USP20: variants seen among roughly 807,000 people sequenced by gnomAD.
USP20 encodes the protein ubiquitin specific peptidase 20.
In USP20, 80 loss-of-function variants were observed where a neutral mutation model predicts 124.2. The observed-to-expected ratio is 0.64, with a 90% CI of 0.54 to 0.78. The LOEUF (loss-of-function observed/expected upper bound fraction) is 0.78. USP20 is among the 30% of genes least tolerant of loss of function. USP20 has a pLI of 0.00. For synonymous variants in USP20, 481 were observed against 512.3 expected (o/e 0.94, Z 0.83); for missense variants, 1,043 against 1,244.4 (o/e 0.84, Z 2.44).
intron 1 of USP20, among the ~76,000 whole-genome samples, chr9:129,843,971 G>A (rs1340630855): frequency 6.6e-6 from 1 of 151,928 alleles, no homozygotes; most frequent in Admixed American, 6.6e-5. Context: ...GGGGGCTGAG[G>A]TAGGAGGATC....
At chr9:129,846,245 A>AAT (rs2032547993) in intron 1 of USP20, among the ~76,000 whole-genome samples, 1 of 43,378 alleles carries the variant, frequency 2.3e-5, no homozygotes, top group Non-Finnish European at 4.1e-5. Context: ...ATATATATAT[A>AAT]TATTTTTTTT....
Position 129,861,020 on chromosome 9 carries a change from C to T in USP20, c.414C>T (p.Asp138=). 5.0e-6 allele frequency: 8 copies of T among 1,612,444 alleles called. No homozygotes were observed. The highest frequency in any genetic ancestry group is 2.2e-5 in the South Asian group (2 of 91,070). ...GAGAGTCTGAGTCAGAGGACGATGA[C>T]CTGAAACCTCGAGGTAATGGCCCCC... The part of the protein sequence containing the change: ...DEGESESEDD[D]LKPRGLTGMK... Residue 138 remains aspartate, a synonymous_variant, in exon 7 of 26, where the codon GAC becomes GAT. Transcript: ENST00000372429.
chr9:129,877,330 C>T (rs548407335), intron 22 of USP20, among the ~76,000 whole-genome samples: 17 of 151,992 alleles, frequency 1.1e-4, no homozygotes, highest in African/African-American at 3.9e-4. Flanking sequence ...ACCAACTTGG[C>T]CAACATGGCG....
intron 1 of USP20, among the ~76,000 whole-genome samples, chr9:129,838,262 A>G (rs11794154): frequency 0.19 from 28,512 of 151,898 alleles, 3,207 homozygotes; most frequent in South Asian, 0.26. Flanking sequence ...GGCTGGTCTC[A>G]AATTCCTAAC....
At chr9:129,847,516 T>C (rs144709166) in intron 1 of USP20, among the ~76,000 whole-genome samples, 6,307 of 152,064 alleles carry the variant, frequency 0.041, 452 homozygotes, top group African/African-American at 0.14. Context: ...TTGGCCAGGC[T>C]GGTCTCCAAC....
At chr9:129,876,330 T>C in intron 22 of USP20, 92 bp downstream of exon 22, 1 of 1,077,456 alleles carries the variant, frequency 9.3e-7, no homozygotes, top group Non-Finnish European at 1.4e-6. Flanking sequence ...GTGCAGTCCC[T>C]GAGCAAGTTT....
chr9:129,856,181 T>C lies in USP20; in HGVS notation c.82-126T>C. On this transcript the variant is annotated intron_variant, in intron 3 of 25. Coordinates refer to ENST00000372429, the MANE Select transcript of USP20 (RefSeq NM_001110303.4). The stretch of plus-strand genomic sequence containing the variant: ...GCGAAGGCCTTTCTGGGGCCAGGGC[T>C]TGAAGCTGAGACCTTCTGAGTGCAT... The C allele has an allele frequency of 4.3e-6, 4 of 923,304 alleles. 1 individual carries two copies. In the South Asian group the frequency reaches 5.5e-5, roughly 13 times the overall value. 57.2% of individuals were successfully genotyped at this position (923,304 alleles called of 1,614,324 possible). A position where few individuals can be genotyped will look rare whatever the true frequency, so the allele number is the denominator to read the frequency against.
At chr9:129,846,624 T>G (rs978955409) in intron 1 of USP20, among the ~76,000 whole-genome samples, 4 of 143,990 alleles carry the variant, frequency 2.8e-5, no homozygotes, top group African/African-American at 5.0e-5. Context: ...GTTACTGTCT[T>G]TTTTTTTTTT....
intron 9 of USP20, among the ~76,000 whole-genome samples, chr9:129,863,616 C>G (rs2033661925): frequency 6.6e-6 from 1 of 152,170 alleles, no homozygotes; most frequent in East Asian, 1.9e-4. Flanking sequence ...ACATGGTGAC[C>G]CGGCCTCAGC....
At chr9:129,846,070 G>A (rs1194551118) in intron 1 of USP20, among the ~76,000 whole-genome samples, 8 of 150,762 alleles carry the variant, frequency 5.3e-5, no homozygotes, top group Admixed American at 6.6e-5. Context: ...GACTACAGGC[G>A]TCCGCCACCA....
intron 14 of USP20, 27 bp downstream of exon 14, chr9:129,869,871 G>A (rs752741654): frequency 3.2e-5 from 48 of 1,519,998 alleles, no homozygotes; most frequent in Non-Finnish European, 4.0e-5. Context: ...ACTACTGGGC[G>A]ACATGGGCTG....
Position 129,880,486 on chromosome 9 carries a change from C to A in USP20, c.*36C>A. On this transcript the variant is annotated 3_prime_UTR_variant, in exon 26 of 26. Coordinates refer to ENST00000372429, the MANE Select transcript of USP20 (RefSeq NM_001110303.4). ...CCACAGCCCCATGTGCCCCACCCCG[C>A]GGAAGGCGTGTTTGTGCCCAGAAGA... 1.6e-6 allele frequency: 1 copy of A among 638,980 alleles called. No individual in the cohort carries two copies. The highest frequency in any genetic ancestry group is 2.6e-6 in the Non-Finnish European group (1 of 383,710). The allele number at this position is 638,980 out of a possible 1,614,324, so 39.6% of individuals were successfully genotyped here.
chr9:129,874,076 G>A (rs2034267519), intron 17 of USP20, among the ~76,000 whole-genome samples: 1 of 152,218 alleles, frequency 6.6e-6, no homozygotes. Flanking sequence ...GGCGGGAGGA[G>A]AGCTGGTCCA....
In USP20 at chr9:129,861,113, G is replaced by T; in HGVS notation, c.427+80G>T. ...GGAGGCTGGAAACCGCCAGAGTCTTGGTCTCTATTTGCACCTGCTATATGG... is the reference window on the plus strand; with the variant it reads ...GGAGGCTGGAAACCGCCAGAGTCTTTGTCTCTATTTGCACCTGCTATATGG... On this transcript the variant is annotated intron_variant, in intron 7 of 25. Coordinates refer to ENST00000372429, the MANE Select transcript of USP20 (RefSeq NM_001110303.4). 5 of 1,342,720 alleles carry T rather than the reference G, an allele frequency of 3.7e-6. No homozygotes were observed. The South Asian group carries it at 5.9e-5, about 16-fold the overall frequency. The allele number at this position is 1,342,720 out of a possible 1,614,324, so 83.2% of individuals were successfully genotyped here.
chr9:129,873,533 C>A lies in USP20; in HGVS notation c.1694+18C>A. ...TGTAAGAAGTAAGTGAGCCTTCCCCCGCCTTCTCCCTAACTGCCGTTTCTG... is the reference window on the plus strand; with the variant it reads ...TGTAAGAAGTAAGTGAGCCTTCCCCAGCCTTCTCCCTAACTGCCGTTTCTG... On this transcript the variant is annotated intron_variant, in intron 16 of 25. Coordinates refer to ENST00000372429, the MANE Select transcript of USP20 (RefSeq NM_001110303.4). 6.2e-7 allele frequency: 1 copy of A among 1,614,200 alleles called. No individual in the cohort carries two copies. Among genetic ancestry groups the A allele is most frequent in the Non-Finnish European group, 8.5e-7 (1 of 1,180,026 alleles).
chr9:129,850,826 G>A (rs375988815), intron 2 of USP20, among the ~76,000 whole-genome samples: 87 of 152,170 alleles, frequency 5.7e-4, no homozygotes, highest in African/African-American at 2.1e-3. Flanking sequence ...GGCTAATTTT[G>A]TATTTTTAGT....
intron 13 of USP20, 93 bp downstream of exon 13, chr9:129,869,518 G>A: frequency 1.3e-6 from 2 of 1,532,130 alleles, no homozygotes; most frequent in South Asian, 2.3e-5. Context: ...CTCTCCACGG[G>A]TGCTCCCTGC....
At chr9:129,840,064 A>G (rs866636640) in intron 1 of USP20, among the ~76,000 whole-genome samples, 8 of 152,092 alleles carry the variant, frequency 5.3e-5, no homozygotes, top group Non-Finnish European at 1.2e-4. Flanking sequence ...TCCTGCCCCA[A>G]GAGAGGAGGC....
chr9:129,836,587 C>T (rs1252905412), intron 1 of USP20, among the ~76,000 whole-genome samples: 1 of 152,146 alleles, frequency 6.6e-6, no homozygotes, highest in Non-Finnish European at 1.5e-5. Flanking sequence ...TCTGGGGTTC[C>T]CCTTTCTGGA....
Sources: gnomAD v4.1 joint callset for allele counts (sites outside exome capture counted in the v4.1 genomes callset) on GRCh38, gnomAD v4.1.1 for gene constraint, MANE v1.5 for transcripts, NCBI Gene and HGNC (gene_info 2026-07-23, HGNC 2026-07-21) for gene names.